The following CMC1 variants were observed in gnomAD, a reference collection of about 807,000 sequenced individuals.
The protein encoded by CMC1 is COX assembly mitochondrial protein homolog.
In CMC1, 14 loss-of-function variants were observed where a neutral mutation model predicts 14.1. The observed-to-expected ratio is 0.99, with a 90% CI of 0.66 to 1.55. The LOEUF is 1.55. CMC1 is among the 40% of genes most tolerant of loss of function. CMC1 has a pLI of 0.00. For missense variants in CMC1, 127 were observed against 123.8 expected (o/e 1.03, Z -0.12); for synonymous variants, 50 against 38.4 (o/e 1.30, Z -1.12).
chr3:28,266,234 A>G (rs1428242351), intron 2 of CMC1, among the ~76,000 whole-genome samples: 3 of 152,204 alleles, frequency 2.0e-5, no homozygotes, highest in Admixed American at 1.3e-4. Context: ...TAAGCAATAG[A>G]TAACATTTAG....
At chr3:28,243,404 C>T (rs1194893160) in intron 1 of CMC1, among the ~76,000 whole-genome samples, 1 of 152,146 alleles carries the variant, frequency 6.6e-6, no homozygotes, top group Non-Finnish European at 1.5e-5. Flanking sequence ...TAATCTCATA[C>T]GGATGAGGAG....
chr3:28,246,513 C>G (rs1221654156), intron 1 of CMC1, among the ~76,000 whole-genome samples: 2 of 152,230 alleles, frequency 1.3e-5, no homozygotes, highest in African/African-American at 2.4e-5. Flanking sequence ...ACAAACAGAA[C>G]TCTCCTTATT....
Position 28,265,977 on chromosome 3 carries a change from T to G in CMC1, c.109+2597T>G, listed in dbSNP as rs550308087. On this transcript the variant is annotated intron_variant, in intron 2 of 3. Coordinates refer to ENST00000466830, the MANE Select transcript of CMC1 (RefSeq NM_182523.2). Reference sequence around the variant, plus strand: ...TGGGTAAGGCATTAACCTTCAACCATTACCAGCTGGGACACTGATAAAGCC... The same window carrying G: ...TGGGTAAGGCATTAACCTTCAACCAGTACCAGCTGGGACACTGATAAAGCC... Among the ~76,000 whole-genome samples, 6 of 152,284 alleles carry G rather than the reference T, an allele frequency of 3.9e-5. No individual in the cohort carries two copies. The East Asian group carries it at 1.2e-3, about 29-fold the overall frequency.
chr3:28,284,017 A>T (rs1241088860), intron 2 of CMC1, among the ~76,000 whole-genome samples: 1 of 152,214 alleles, frequency 6.6e-6, no homozygotes, highest in Admixed American at 6.5e-5. Context: ...CCTAGATCGC[A>T]AAATTTGAAC....
intron 1 of CMC1, among the ~76,000 whole-genome samples, chr3:28,248,834 G>A (rs1485381722): frequency 6.6e-6 from 1 of 152,052 alleles, no homozygotes; most frequent in Non-Finnish European, 1.5e-5. Context: ...CTGTTGCCCA[G>A]GCTGGAGTGC....
chr3:28,247,671 G>T (rs1698896964), intron 1 of CMC1, among the ~76,000 whole-genome samples: 1 of 152,202 alleles, frequency 6.6e-6, no homozygotes. Flanking sequence ...ATCTTAGTTG[G>T]ATAGTAAGAG....
chr3:28,291,792 A>T (rs554016130), intron 2 of CMC1: 2 of 151,658 alleles, frequency 1.3e-5, no homozygotes, highest in South Asian at 4.2e-4. Context: ...AGGGAGGGGG[A>T]GAGGGAGCAC....
intron 2 of CMC1, among the ~76,000 whole-genome samples, chr3:28,297,940 T>G (rs573314535): frequency 1.3e-5 from 2 of 151,900 alleles, no homozygotes; most frequent in East Asian, 3.9e-4. Context: ...ATAGATACAT[T>G]TATATGCAAA....
intron 2 of CMC1, among the ~76,000 whole-genome samples, chr3:28,274,246 G>A (rs1413160799): frequency 1.3e-4 from 11 of 86,362 alleles, no homozygotes; most frequent in Non-Finnish European, 2.3e-4. Context: ...GCAGTGGCTA[G>A]TAACAGTTTT....
intron 2 of CMC1, among the ~76,000 whole-genome samples, chr3:28,294,040 T>C (rs1701621635): frequency 6.6e-6 from 1 of 152,184 alleles, no homozygotes; most frequent in Admixed American, 6.5e-5. Context: ...GAAGAACTCA[T>C]TTTAATTGGT....
intron 2 of CMC1, 90 bp from the exon 3 acceptor site, chr3:28,316,243 T>G: frequency 1.6e-6 from 1 of 633,380 alleles, no homozygotes; most frequent in African/African-American, 1.9e-5. Flanking sequence ...CAGGCTTTCT[T>G]TTTTTTTTTC....
At chr3:28,284,728 T>TTGTG (rs139621171) in intron 2 of CMC1, among the ~76,000 whole-genome samples, 25 of 150,624 alleles carry the variant, frequency 1.7e-4, no homozygotes, top group Non-Finnish European at 3.0e-4. Context: ...GTTGTTAGAT[T>TTGTG]TCTGTGTGTG....
rs34536456 is a variant in CMC1, at chr3:28,320,823, AT to A, written c.*1200del. On this transcript the variant is annotated 3_prime_UTR_variant, in exon 4 of 4. Coordinates refer to ENST00000466830, the MANE Select transcript of CMC1 (RefSeq NM_182523.2). Reference sequence around the variant, plus strand: ...AATTTGAGCTTTTATATTAAAAGTTATTTTTTCCCCATGAGCTGTTAACTCT... The same window carrying A: ...AATTTGAGCTTTTATATTAAAAGTTATTTTTCCCCATGAGCTGTTAACTCT... The A allele has an allele frequency of 6.0e-5, 9 of 151,152 alleles. No homozygotes were observed. Among genetic ancestry groups the A allele is most frequent in the East Asian group, 1.9e-4 (1 of 5,130 alleles). The allele number at this position is 151,152 out of a possible 1,614,324, so 9.4% of individuals were successfully genotyped here. A position where few individuals can be genotyped will look rare whatever the true frequency, so the allele number is the denominator to read the frequency against.
At chr3:28,242,154 G>A (rs1698560618) in intron 1 of CMC1, among the ~76,000 whole-genome samples, 1 of 152,158 alleles carries the variant, frequency 6.6e-6, no homozygotes, top group Non-Finnish European at 1.5e-5. Flanking sequence ...AGAAAAATTT[G>A]TATATTTGTT....
At chr3:28,264,124 G>A (rs1699885401) in intron 2 of CMC1, among the ~76,000 whole-genome samples, 1 of 152,112 alleles carries the variant, frequency 6.6e-6, no homozygotes, top group Admixed American at 6.6e-5. Context: ...CTGTCTCTTG[G>A]AAGGGCCATC....
intron 2 of CMC1, 171 bp from the exon 3 acceptor site, chr3:28,316,162 C>A: frequency 2.3e-6 from 1 of 437,430 alleles, no homozygotes; most frequent in South Asian, 5.2e-5. Context: ...ATGTGCCAAG[C>A]ACAATGTACA....
In CMC1 at chr3:28,325,105, T is replaced by A; in HGVS notation, c.*5476T>A. ...AACACAGCAAATGTTAATGCTACTG[T>A]GGTCACAATGTAGGTAAAGTAAAAA... On this transcript the variant is annotated 3_prime_UTR_variant, in exon 4 of 4. Transcript: ENST00000466830. 7.3e-6 allele frequency: 1 copy of A among 136,994 alleles called. No homozygotes were observed. 8.5% of individuals were successfully genotyped at this position (136,994 alleles called of 1,614,324 possible).
At chr3:28,287,440 C>T (rs1244880971) in intron 2 of CMC1, among the ~76,000 whole-genome samples, 1 of 152,114 alleles carries the variant, frequency 6.6e-6, no homozygotes, top group Non-Finnish European at 1.5e-5. Context: ...CAGAGTTAGA[C>T]TCCTACTGTT....
intron 2 of CMC1, among the ~76,000 whole-genome samples, chr3:28,274,232 T>TTTTTTTTTTTTTTTTTTTTTG (rs1206726268): frequency 1.4e-5 from 2 of 147,852 alleles, no homozygotes; most frequent in Non-Finnish European, 3.0e-5. Context: ...TTTTTTTTTT[T>TTTTTTTTTTTTTTTTTTTTTG]TTTGCAGTGG....
Sources: allele counts gnomAD v4.1 joint callset (sites outside exome capture counted in the v4.1 genomes callset), GRCh38; gene constraint gnomAD v4.1.1; transcripts MANE v1.5; gene names NCBI Gene and HGNC (gene_info 2026-07-23, HGNC 2026-07-21).